Variants in CR1 observed in about 807,000 individuals in gnomAD.
The protein encoded by CR1 is complement receptor type 1.
Under a neutral mutation model 187.3 loss-of-function variants are expected in CR1, and 116 were observed. The observed-to-expected ratio is 0.62, with a 90% CI of 0.53 to 0.72. The LOEUF (loss-of-function observed/expected upper bound fraction) is 0.72. CR1 is among the 30% of genes least tolerant of loss of function. The pLI is 0.00. For missense variants in CR1, 1,731 were observed against 2,110.7 expected, an observed-to-expected ratio of 0.82 and a Z score of 3.52; for synonymous variants, 576 against 747.1, an observed-to-expected ratio of 0.77 and a Z score of 3.73.
chr1:207,514,702 C>T (rs1320799468), intron 4 of CR1, among the ~76,000 whole-genome samples: 1 of 152,142 alleles, frequency 6.6e-6, no homozygotes, highest in Non-Finnish European at 1.5e-5. Flanking sequence ...ACACTTTCAT[C>T]ATCCCATTCC....
chr1:207,573,139 G>C (rs1285872559), intron 27 of CR1, among the ~76,000 whole-genome samples: 2 of 152,054 alleles, frequency 1.3e-5, no homozygotes, highest in Non-Finnish European at 2.9e-5. Context: ...TCAGGCATCA[G>C]GTGCTCACAG....
intron 28 of CR1, among the ~76,000 whole-genome samples, chr1:207,577,466 A>G (rs1226816925): frequency 5.3e-5 from 8 of 152,224 alleles, no homozygotes; most frequent in African/African-American, 1.9e-4. Context: ...AATTTACAAT[A>G]AAGTATAATT....
Position 207,639,593 on chromosome 1 carries a change from G to A in CR1, c.*184G>A, listed in dbSNP as rs1269301835. The A allele has an allele frequency of 3.4e-6, 2 of 579,788 alleles. No homozygotes were observed. The highest frequency in any genetic ancestry group is 3.7e-5 in the African/African-American group (2 of 53,588). The allele number at this position is 579,788 out of a possible 1,614,324, so 35.9% of individuals were successfully genotyped here. Reference sequence around the variant, plus strand: ...CCTAGCAAAGCTCCTGCCTCTTTGTGTGCGTCACTGTGAAACCCCCACCCT... The same window carrying A: ...CCTAGCAAAGCTCCTGCCTCTTTGTATGCGTCACTGTGAAACCCCCACCCT... On this transcript the variant is annotated 3_prime_UTR_variant, in exon 47 of 47. Coordinates refer to ENST00000367049, the MANE Select transcript of CR1 (RefSeq NM_000651.6).
intron 30 of CR1, 35 bp downstream of exon 30, chr1:207,580,451 T>G: frequency 6.2e-7 from 1 of 1,609,378 alleles, no homozygotes; most frequent in South Asian, 1.1e-5. Context: ...ATTTCTCTCT[T>G]TACCCCACAC....
At chr1:207,580,958 G>A (rs376622723) in intron 31 of CR1, among the ~76,000 whole-genome samples, 24 of 152,232 alleles carry the variant, frequency 1.6e-4, no homozygotes, top group African/African-American at 4.8e-4. Flanking sequence ...TCCATGAACA[G>A]AAGTTTAAAA....
At chr1:207,612,134 A>C in intron 39 of CR1, 93 bp downstream of exon 39, 1 of 1,278,586 alleles carries the variant, frequency 7.8e-7, no homozygotes, top group Non-Finnish European at 1.1e-6. Flanking sequence ...CTGACCTAGT[A>C]GATAAGAAGT....
chr1:207,512,755 T>C (rs2102290305), intron 4 of CR1, among the ~76,000 whole-genome samples: 1 of 152,280 alleles, frequency 6.6e-6, no homozygotes, highest in South Asian at 2.1e-4. Context: ...GTAATAAACA[T>C]GGAATTGGAA....
intron 1 of CR1, among the ~76,000 whole-genome samples, chr1:207,502,200 CA>C (rs1442818227): frequency 6.6e-6 from 1 of 152,104 alleles, no homozygotes; most frequent in Non-Finnish European, 1.5e-5. Flanking sequence ...TTAAATTATG[CA>C]TATCTAATAT....
intron 45 of CR1, among the ~76,000 whole-genome samples, chr1:207,624,589 C>A (rs952935079): frequency 2.0e-5 from 3 of 152,174 alleles, no homozygotes; most frequent in Non-Finnish European, 4.4e-5. Context: ...AGAACCTAGA[C>A]AGGAACTCAA....
At chr1:207,579,800 C>T (rs1486023260) in intron 29 of CR1, among the ~76,000 whole-genome samples, 1 of 152,196 alleles carries the variant, frequency 6.6e-6, no homozygotes, top group African/African-American at 2.4e-5. Context: ...CTGTCTAGCA[C>T]CACTGGCTCA....
At chr1:207,525,801 G>A (rs1660149768) in intron 5 of CR1, among the ~76,000 whole-genome samples, 2 of 151,924 alleles carry the variant, frequency 1.3e-5, no homozygotes, top group Admixed American at 1.3e-4. Flanking sequence ...TTAGTCCAGG[G>A]AAACACTGGG....
intron 46 of CR1, among the ~76,000 whole-genome samples, chr1:207,638,819 C>T (rs1329341322): frequency 6.6e-6 from 1 of 152,240 alleles, no homozygotes; most frequent in Non-Finnish European, 1.5e-5. Context: ...GTCCTACAGT[C>T]CCCTCAGGCA....
intron 5 of CR1, among the ~76,000 whole-genome samples, chr1:207,526,316 G>T (rs1660170238): frequency 6.6e-6 from 1 of 151,810 alleles, no homozygotes; most frequent in Non-Finnish European, 1.5e-5. Flanking sequence ...GGTGATGGAG[G>T]GACCTATTAG....
intron 41 of CR1, among the ~76,000 whole-genome samples, chr1:207,617,668 A>C (rs1215189813): frequency 1.1e-5 from 1 of 91,728 alleles, no homozygotes; most frequent in African/African-American, 3.2e-5. Context: ...GAGAGATTGT[A>C]CTCTTAGCCT....
chr1:207,601,840 A>G (rs1048938442), intron 35 of CR1, among the ~76,000 whole-genome samples: 1 of 150,484 alleles, frequency 6.6e-6, no homozygotes, highest in African/African-American at 2.4e-5. Flanking sequence ...GGGTTTTCAC[A>G]TATTTTCTAT....
At chr1:207,573,014 G>A (rs1035091630) in intron 27 of CR1, among the ~76,000 whole-genome samples, 10 of 152,244 alleles carry the variant, frequency 6.6e-5, no homozygotes, top group East Asian at 3.9e-4. Context: ...ACTTGATTGC[G>A]TCTGCAAAGA....
Position 207,506,190 on chromosome 1 carries a change from A to G in CR1, c.301+107A>G, listed in dbSNP as rs377366402. 4.1e-5 allele frequency: 53 copies of G among 1,284,810 alleles called. No homozygotes were observed. The East Asian group carries it at 7.7e-4, about 19-fold the overall frequency. The allele number at this position is 1,284,810 out of a possible 1,614,324, so 79.6% of individuals were successfully genotyped here. A position where few individuals can be genotyped will look rare whatever the true frequency, so the allele number is the denominator to read the frequency against. On this transcript the variant is annotated intron_variant, in intron 2 of 46. Coordinates refer to ENST00000367049, the MANE Select transcript of CR1 (RefSeq NM_000651.6). ...AGTTGCATATGACAATTAGTTTGCC[A>G]AGGTGCAATACATATGAGAATTATT...
At chr1:207,623,979 GC>G (rs1394731783) in intron 45 of CR1, among the ~76,000 whole-genome samples, 2 of 133,526 alleles carry the variant, frequency 1.5e-5, no homozygotes, top group Non-Finnish European at 3.1e-5. Flanking sequence ...AGGCTGGAGT[GC>G]AGTGGCACGA....
chr1:207,593,657 T>G (rs1257720261), intron 35 of CR1, among the ~76,000 whole-genome samples: 1 of 152,158 alleles, frequency 6.6e-6, no homozygotes, highest in Admixed American at 6.5e-5. Context: ...GAAACTATCA[T>G]CAGAGTGAAC....
Sources: allele counts gnomAD v4.1 joint callset (sites outside exome capture counted in the v4.1 genomes callset), GRCh38; gene constraint gnomAD v4.1.1; transcripts MANE v1.5; gene names NCBI Gene and HGNC (gene_info 2026-07-23, HGNC 2026-07-21).